TRIP12: variants seen among roughly 807,000 people sequenced by gnomAD.
TRIP12 encodes the protein thyroid hormone receptor interactor 12, also known as E3 ubiquitin-protein ligase TRIP12.
In TRIP12, 25 loss-of-function variants were observed where a neutral mutation model predicts 244.2. That is an observed-to-expected ratio of 0.10 (90% CI 0.07 to 0.14). The LOEUF is 0.14. TRIP12 is among the 10% of genes least tolerant of loss of function. TRIP12 has a pLI of 1.00. For synonymous variants in TRIP12, 905 were observed against 873.1 expected, an observed-to-expected ratio of 1.04 and a Z score of -0.64; for missense variants, 1,677 against 2,486.4, an observed-to-expected ratio of 0.67 and a Z score of 6.92.
In TRIP12 at chr2:229,861,475, C is replaced by A. The variant is rs2060475912; in HGVS notation, c.99-944G>T. On this transcript the variant is annotated intron_variant, in intron 2 of 41. Coordinates refer to ENST00000675903, the MANE Select transcript of TRIP12 (RefSeq NM_001348323.3). ...CTGATATCCACTTTCCACATAAGAG[C>A]ATATACCAATGAAAATCTAGAAAAA... 2.0e-5 allele frequency among the ~76,000 whole-genome samples: 3 copies of A among 152,062 alleles called. No individual in the cohort carries two copies. The South Asian group carries it at 6.2e-4, about 31-fold the overall frequency.
At chr2:229,867,171 G>GTTTTT (rs11335613) in intron 2 of TRIP12, among the ~76,000 whole-genome samples, 28,349 of 122,900 alleles carry the variant, frequency 0.23, 4,087 homozygotes, top group Middle Eastern at 0.34. Context: ...TTGTTTGTTT[G>GTTTTT]TTTTTTTTTT....
chr2:229,856,538 A>G (rs2059636724), intron 4 of TRIP12, among the ~76,000 whole-genome samples: 1 of 152,246 alleles, frequency 6.6e-6, no homozygotes, highest in Non-Finnish European at 1.5e-5. Flanking sequence ...ACACTCAAGT[A>G]CAATCTGCTA....
chr2:229,780,865 T>C (rs2037919114), intron 34 of TRIP12, among the ~76,000 whole-genome samples: 1 of 152,204 alleles, frequency 6.6e-6, no homozygotes, highest in South Asian at 2.1e-4. Flanking sequence ...GTACTTTGTA[T>C]ATTCTGTTCT....
chr2:229,902,638 C>T (rs1462368674), intron 1 of TRIP12, among the ~76,000 whole-genome samples: 2 of 152,172 alleles, frequency 1.3e-5, no homozygotes, highest in Non-Finnish European at 2.9e-5. Flanking sequence ...AGACTTCCAA[C>T]ATTTTGAGAT....
chr2:229,772,386 G>GCT (rs2034679084), intron 38 of TRIP12, among the ~76,000 whole-genome samples: 1 of 152,150 alleles, frequency 6.6e-6, no homozygotes, highest in Non-Finnish European at 1.5e-5. Flanking sequence ...AGAAGAAACA[G>GCT]GATAAGAAGA....
intron 39 of TRIP12, among the ~76,000 whole-genome samples, chr2:229,770,908 C>T (rs1359469292): frequency 6.6e-6 from 1 of 152,160 alleles, no homozygotes; most frequent in Non-Finnish European, 1.5e-5. Flanking sequence ...GCCTCCCCAG[C>T]CACGTGGAAC....
At chr2:229,810,757 T>C in intron 15 of TRIP12, 123 bp downstream of exon 15, 1 of 956,460 alleles carries the variant, frequency 1.0e-6, no homozygotes, top group Non-Finnish European at 1.5e-6. Flanking sequence ...TTAACACTTT[T>C]CTTTACTATC....
At chr2:229,800,241 G>A (rs1390127006) in intron 21 of TRIP12, among the ~76,000 whole-genome samples, 1 of 151,928 alleles carries the variant, frequency 6.6e-6, no homozygotes, top group Non-Finnish European at 1.5e-5. Context: ...CATTTTAGTT[G>A]GTTTTTTTAA....
At chr2:229,849,497 T>C (rs1047298532) in intron 4 of TRIP12, among the ~76,000 whole-genome samples, 2 of 151,778 alleles carry the variant, frequency 1.3e-5, no homozygotes, top group East Asian at 3.9e-4. Context: ...AAGCACATAA[T>C]CTAGACACTG....
intron 8 of TRIP12, among the ~76,000 whole-genome samples, chr2:229,828,504 G>A (rs2154296679): frequency 6.6e-6 from 1 of 152,208 alleles, no homozygotes; most frequent in Non-Finnish European, 1.5e-5. Context: ...GGGCACAGTG[G>A]CTCATGCCTG....
chr2:229,829,313 G>A, intron 7 of TRIP12, 25 bp from the exon 8 acceptor site: 1 of 1,585,560 alleles, frequency 6.3e-7, no homozygotes, highest in Non-Finnish European at 8.6e-7. Context: ...AGGGCAGAGT[G>A]AACAACTAAG....
At chr2:229,804,459 C>A (rs1400676167) in intron 18 of TRIP12, among the ~76,000 whole-genome samples, 1 of 152,128 alleles carries the variant, frequency 6.6e-6, no homozygotes, top group Admixed American at 6.6e-5. Context: ...CCCATTGGGG[C>A]CAGCTGAAAG....
chr2:229,912,289 T>TA (rs2074435277), intron 1 of TRIP12, among the ~76,000 whole-genome samples: 1 of 152,222 alleles, frequency 6.6e-6, no homozygotes, highest in South Asian at 2.1e-4. Flanking sequence ...AGCACTGTCA[T>TA]AAAAAATGAC....
At chr2:229,878,177 C>A (rs977428846) in intron 2 of TRIP12, among the ~76,000 whole-genome samples, 2 of 152,138 alleles carry the variant, frequency 1.3e-5, no homozygotes, top group Admixed American at 1.3e-4. Flanking sequence ...AAAGGCTGGG[C>A]GCGGTGGCTA....
chr2:229,780,217 A>G (rs1354310777), intron 34 of TRIP12, among the ~76,000 whole-genome samples: 4 of 152,188 alleles, frequency 2.6e-5, no homozygotes, highest in African/African-American at 9.7e-5. Context: ...CAAAATGAAT[A>G]ATCCCACCAA....
chr2:229,771,852 G>T (rs113337142), intron 38 of TRIP12, among the ~76,000 whole-genome samples: 1 of 152,012 alleles, frequency 6.6e-6, no homozygotes, highest in Admixed American at 6.5e-5. Flanking sequence ...AAAAAAAAAT[G>T]CCATGTGCAT....
chr2:229,880,964 A>C (rs1358834640), intron 1 of TRIP12, among the ~76,000 whole-genome samples: 1 of 152,202 alleles, frequency 6.6e-6, no homozygotes, highest in East Asian at 1.9e-4. Flanking sequence ...AAAACAAACA[A>C]AATTGTAAAA....
rs1209029054 is a variant in TRIP12, at chr2:229,777,354, A to G, written c.5490T>C (p.Ile1830=). 6.2e-7 allele frequency: 1 copy of G among 1,613,774 alleles called. No individual in the cohort carries two copies. Among genetic ancestry groups the G allele is most frequent in the Admixed American group, 1.7e-5 (1 of 60,024 alleles). Residue 1830 remains isoleucine (I), a synonymous_variant, in exon 37 of 42, where the codon ATT becomes ATC. Transcript: ENST00000675903. The part of the protein sequence containing the change: ...VARSVYHLED[I]VRQKKRLEQD... ...GTTCAAGTCTTTTCTTCTGTCTGAC[A>G]ATGTCTTCTAGGTGATAAACTGATC...
In TRIP12 at chr2:229,768,210, C is replaced by T. The variant is rs548539996; in HGVS notation, c.6007+406G>A. ...CCAGGAGGCAGAGGTTGCAGTGAGC[C>T]AAGATCACGCCACTGCACTTCAGCC... On this transcript the variant is annotated intron_variant, in intron 41 of 41. Transcript: ENST00000675903. Among the ~76,000 whole-genome samples, 50 of 152,260 alleles carry T rather than the reference C, an allele frequency of 3.3e-4. 1 individual carries two copies. The South Asian group carries it at 9.9e-3, about 30-fold the overall frequency.
Sources: gnomAD v4.1 joint callset for allele counts (sites outside exome capture counted in the v4.1 genomes callset) on GRCh38, gnomAD v4.1.1 for gene constraint, MANE v1.5 for transcripts, NCBI Gene and HGNC (gene_info 2026-07-23, HGNC 2026-07-21) for gene names.